The following FNTA variants were observed in gnomAD, a reference collection of about 807,000 sequenced individuals.
FNTA encodes the protein protein farnesyltransferase/geranylgeranyltransferase type-1 subunit alpha.
A neutral mutation model predicts 55.2 loss-of-function variants in FNTA; 27 were observed. The observed-to-expected ratio is 0.49, with a 90% CI of 0.36 to 0.67. The LOEUF is 0.67. Ranked by LOEUF, FNTA falls within the 30% of genes least tolerant of loss-of-function variation. FNTA has a pLI of 0.00. For synonymous variants in FNTA, 176 were observed against 170.7 expected, an observed-to-expected ratio of 1.03 and a Z score of -0.24; for missense variants, 422 against 464.7, an observed-to-expected ratio of 0.91 and a Z score of 0.85.
chr8:43,060,557 C>T (rs1345737389), intron 2 of FNTA, among the ~76,000 whole-genome samples: 1 of 151,960 alleles, frequency 6.6e-6, no homozygotes, highest in Non-Finnish European at 1.5e-5. Context: ...CGCCTGTAAT[C>T]CCAGCTACTC....
chr8:43,059,135 G>C lies in FNTA; in HGVS notation c.244G>C (p.Asp82His). The C allele has an allele frequency of 6.2e-7, 1 of 1,613,678 alleles. No homozygotes were observed. Among genetic ancestry groups the C allele is most frequent in the Non-Finnish European group, 8.5e-7 (1 of 1,179,910 alleles). Residue 82 changes from aspartate to histidine, a missense_variant, in exon 2 of 9, where the codon GAT (aspartate) becomes CAT (histidine). By Grantham distance (81) the Asp-to-His change is moderately conservative. Transcript: ENST00000302279. ...TGATATAGATCCGGTGCCGCAGAAT[G>C]ATGGCCCCAATCCCGTGGTCCAGAT... Reference protein sequence around the residue: ...WADIDPVPQNDGPNPVVQIIY... With the variant: ...WADIDPVPQNHGPNPVVQIIY...
At chr8:43,077,393 G>T in intron 6 of FNTA, 29 bp downstream of exon 6, 1 of 1,575,712 alleles carries the variant, frequency 6.3e-7, no homozygotes, top group Non-Finnish European at 8.7e-7. Context: ...TTGCTCATTC[G>T]TTACAAACAT....
At chr8:43,083,065 G>A (rs1811055896) in intron 6 of FNTA, 53 bp from the exon 7 acceptor site, 2 of 1,063,510 alleles carry the variant, frequency 1.9e-6, no homozygotes, top group South Asian at 2.9e-5. Flanking sequence ...AAAAAACTGT[G>A]TCTCATCATT....
At chr8:43,065,435 C>T (rs189524761) in intron 3 of FNTA, among the ~76,000 whole-genome samples, 35 of 151,990 alleles carry the variant, frequency 2.3e-4, no homozygotes, top group Admixed American at 1.3e-3. Context: ...TTAGTAGAGA[C>T]GGGGTTTCAT....
intron 5 of FNTA, among the ~76,000 whole-genome samples, chr8:43,074,083 C>T (rs13248091): frequency 0.048 from 7,249 of 152,134 alleles, 233 homozygotes; most frequent in South Asian, 0.086. Context: ...CATTCATGGC[C>T]TGTATGTCAT....
rs768168316 is a variant in FNTA at position 43,064,093 on chromosome 8, A to C, written c.287-8A>C. On this transcript the variant is annotated splice_region_variant and splice_polypyrimidine_tract_variant and intron_variant, in intron 2 of 8. Transcript: ENST00000302279. ...TGGTCCTAATGTAGTTGTGTGCTCT[A>C]TCTCTAGTTAGAGATGTTTATGATT... 2 of 1,570,438 alleles carry C rather than the reference A, an allele frequency of 1.3e-6. No homozygotes were observed. Among genetic ancestry groups the C allele is most frequent in the Non-Finnish European group, 1.8e-6 (2 of 1,140,746 alleles).
chr8:43,068,498 G>GT (rs1810711998), intron 3 of FNTA, among the ~76,000 whole-genome samples: 1 of 152,172 alleles, frequency 6.6e-6, no homozygotes, highest in African/African-American at 2.4e-5. Context: ...TGTTCTAGAA[G>GT]TATTTTGTTA....
rs187889583 is a variant in FNTA at position 43,063,270 on chromosome 8, G to A, written c.287-831G>A. 26 of 455,864 alleles carry A rather than the reference G, an allele frequency of 5.7e-5. No homozygotes were observed. In the East Asian group the frequency reaches 1.5e-3, roughly 26 times the overall value. 28.2% of individuals were successfully genotyped at this position (455,864 alleles called of 1,614,324 possible). A position where few individuals can be genotyped will look rare whatever the true frequency, so the allele number is the denominator to read the frequency against. ...TAATTTCTATATTTTTTGTAGAGGCGGAGTTTCCCTAAGTTGCCCAGGCTA... is the reference window on the plus strand; with the variant it reads ...TAATTTCTATATTTTTTGTAGAGGCAGAGTTTCCCTAAGTTGCCCAGGCTA... On this transcript the variant is annotated intron_variant, in intron 2 of 8. Coordinates refer to ENST00000302279, the MANE Select transcript of FNTA (RefSeq NM_002027.3).
chr8:43,064,827 T>A (rs1205811835), intron 3 of FNTA, among the ~76,000 whole-genome samples: 1 of 151,482 alleles, frequency 6.6e-6, no homozygotes, highest in African/African-American at 2.4e-5. Flanking sequence ...TTTATTTTAT[T>A]TTATATTTTT....
Position 43,085,286 on chromosome 8 carries a change from C to T in FNTA, c.*4C>T, listed in dbSNP as rs746053433. ...ACCAACAAATGTACAGCAATAACAC[C>T]ATCCAGAAGAACTTGATGGAATGCT... is the stretch of plus-strand genomic sequence containing the variant. On this transcript the variant is annotated 3_prime_UTR_variant, in exon 9 of 9. Transcript: ENST00000302279. 4 of 1,597,688 alleles carry T rather than the reference C, an allele frequency of 2.5e-6. No homozygotes were observed. Among genetic ancestry groups the T allele is most frequent in the Non-Finnish European group, 1.7e-6 (2 of 1,176,558 alleles).
intron 3 of FNTA, 99 bp downstream of exon 3, chr8:43,064,314 T>C (rs1337457019): frequency 2.6e-6 from 2 of 761,912 alleles, no homozygotes; most frequent in African/African-American, 3.6e-5. Flanking sequence ...AACTGTACTT[T>C]ATTTTTTTTG....
At chr8:43,066,280 A>G (rs1003754549) in intron 3 of FNTA, among the ~76,000 whole-genome samples, 17 of 148,566 alleles carry the variant, frequency 1.1e-4, no homozygotes, top group Admixed American at 5.3e-4. Context: ...TTTTTGAGAC[A>G]GAGTCTCGCT....
intron 3 of FNTA, among the ~76,000 whole-genome samples, chr8:43,069,170 C>T (rs1176962490): frequency 2.0e-5 from 3 of 151,770 alleles, no homozygotes; most frequent in African/African-American, 7.3e-5. Flanking sequence ...GGCTAGTGTG[C>T]AGTGGTGTGA....
At chr8:43,069,218 C>G (rs1461720086) in intron 3 of FNTA, among the ~76,000 whole-genome samples, 1 of 149,716 alleles carries the variant, frequency 6.7e-6, no homozygotes, top group African/African-American at 2.5e-5. Flanking sequence ...TGGGTTCAAG[C>G]AATTCTCCTG....
rs930601759 is a variant in FNTA, at chr8:43,065,820, A to G, written c.401+1605A>G. ...ACTTTCTCATTTTATAGAGCACATCATTGAGTAGAAAGATGGAAAATAATT... is the reference window on the plus strand; with the variant it reads ...ACTTTCTCATTTTATAGAGCACATCGTTGAGTAGAAAGATGGAAAATAATT... On this transcript the variant is annotated intron_variant, in intron 3 of 8. Coordinates refer to ENST00000302279, the MANE Select transcript of FNTA (RefSeq NM_002027.3). 3.3e-5 allele frequency among the ~76,000 whole-genome samples: 5 copies of G among 151,422 alleles called. 1 individual carries two copies. Among genetic ancestry groups the G allele is most frequent in the African/African-American group, 1.2e-4 (5 of 40,706 alleles).
intron 1 of FNTA, among the ~76,000 whole-genome samples, chr8:43,058,794 A>T (rs1415811415): frequency 6.6e-6 from 1 of 152,164 alleles, no homozygotes; most frequent in African/African-American, 2.4e-5. Flanking sequence ...TAAAATAAAA[A>T]AAAGTACTGT....
At chr8:43,085,111 G>C in intron 8 of FNTA, 49 bp from the exon 9 acceptor site, 2 of 1,433,694 alleles carry the variant, frequency 1.4e-6, no homozygotes, top group Non-Finnish European at 1.9e-6. Context: ...AGGCATTTGC[G>C]CTTGAAATTG....
intron 2 of FNTA, among the ~76,000 whole-genome samples, chr8:43,059,489 A>G (rs1378887695): frequency 6.6e-6 from 1 of 152,220 alleles, no homozygotes; most frequent in African/African-American, 2.4e-5. Context: ...TGCATGTACC[A>G]CACAATATAA....
At chr8:43,074,265 T>C (rs531937741) in intron 5 of FNTA, among the ~76,000 whole-genome samples, 191 of 152,338 alleles carry the variant, frequency 1.3e-3, no homozygotes, top group African/African-American at 4.5e-3. Context: ...GGCTCACGCC[T>C]GTAATCCCAA....
Sources: allele counts gnomAD v4.1 joint callset (sites outside exome capture counted in the v4.1 genomes callset), GRCh38; gene constraint gnomAD v4.1.1; transcripts MANE v1.5; gene names NCBI Gene and HGNC (gene_info 2026-07-23, HGNC 2026-07-21).